SCTR: variants seen among roughly 807,000 people sequenced by gnomAD.
SCTR encodes the protein pancreatic secretin receptor.
In SCTR, 56 loss-of-function variants were observed where a neutral mutation model predicts 60.8. The ratio of observed to expected loss-of-function variants is 0.92; its 90% CI spans 0.74 to 1.15. The LOEUF (loss-of-function observed/expected upper bound fraction) is 1.15, where lower values mean the gene tolerates loss of function less well. Ranked by LOEUF, SCTR falls within the 50% of genes most tolerant of loss-of-function variation. The pLI, the probability that SCTR is intolerant of heterozygous loss-of-function variation, is 0.00. For missense variants in SCTR, 562 were observed against 550.4 expected (o/e 1.02, Z -0.21); for synonymous variants, 202 against 217.0 (o/e 0.93, Z 0.61).
At chr2:119,443,258 C>T (rs1218525537) in intron 11 of SCTR, among the ~76,000 whole-genome samples, 1 of 152,150 alleles carries the variant, frequency 6.6e-6, no homozygotes, top group South Asian at 2.1e-4. Flanking sequence ...AGGATGAAGA[C>T]TTTGAAGAAT....
intron 1 of SCTR, among the ~76,000 whole-genome samples, chr2:119,506,622 G>A (rs866204114): frequency 2.0e-5 from 3 of 151,926 alleles, no homozygotes; most frequent in Non-Finnish European, 1.5e-5. Flanking sequence ...GTAGGGCTAC[G>A]CATGCACTGC....
intron 7 of SCTR, among the ~76,000 whole-genome samples, chr2:119,458,207 G>A (rs1366571631): frequency 3.3e-5 from 5 of 152,084 alleles, no homozygotes; most frequent in African/African-American, 4.8e-5. Context: ...TCAGGCGGCT[G>A]AGGCAGAAGG....
intron 3 of SCTR, among the ~76,000 whole-genome samples, chr2:119,476,077 G>A (rs967400710): frequency 1.3e-5 from 2 of 152,156 alleles, no homozygotes; most frequent in African/African-American, 4.8e-5. Context: ...CCATGTAGTA[G>A]GTGCCCTCAA....
intron 1 of SCTR, among the ~76,000 whole-genome samples, chr2:119,511,775 T>TA (rs1678954898): frequency 6.6e-6 from 1 of 152,210 alleles, no homozygotes; most frequent in Admixed American, 6.5e-5. Context: ...AATTCTCTAG[T>TA]AACCTCCTAA....
chr2:119,515,485 A>T (rs537200984), intron 1 of SCTR, among the ~76,000 whole-genome samples: 1 of 152,336 alleles, frequency 6.6e-6, no homozygotes, highest in South Asian at 2.1e-4. Flanking sequence ...AGTGAGGAAG[A>T]TCTGCTTCAA....
At chr2:119,491,614 C>T (rs1186180018) in intron 2 of SCTR, among the ~76,000 whole-genome samples, 4 of 152,056 alleles carry the variant, frequency 2.6e-5, no homozygotes, top group Non-Finnish European at 4.4e-5. Flanking sequence ...TGGGTTCAAG[C>T]GATCCTCCTG....
intron 1 of SCTR, among the ~76,000 whole-genome samples, chr2:119,508,442 A>G (rs1237987708): frequency 8.8e-6 from 1 of 114,256 alleles, no homozygotes; most frequent in Non-Finnish European, 1.6e-5. Context: ...GCTGAAGTGT[A>G]GTGATACAAT....
intron 1 of SCTR, among the ~76,000 whole-genome samples, chr2:119,500,699 G>T (rs562449477): frequency 6.6e-6 from 1 of 152,338 alleles, no homozygotes; most frequent in South Asian, 2.1e-4. Flanking sequence ...ATAGAGACTA[G>T]ATGGGTGGTT....
intron 3 of SCTR, chr2:119,476,450 G>C (rs1677313650): frequency 6.6e-6 from 1 of 152,230 alleles, no homozygotes; most frequent in South Asian, 2.1e-4. Flanking sequence ...CAGCAGAGTC[G>C]GCACAGGACC....
chr2:119,474,462 AT>A (rs1677175958), intron 3 of SCTR, among the ~76,000 whole-genome samples: 1 of 152,150 alleles, frequency 6.6e-6, no homozygotes. Flanking sequence ...GCCTCGCTGA[AT>A]TCTGTACTCT....
intron 1 of SCTR, among the ~76,000 whole-genome samples, chr2:119,508,472 G>A (rs766099752): frequency 2.4e-5 from 3 of 124,666 alleles, no homozygotes; most frequent in African/African-American, 9.3e-5. Flanking sequence ...CTGCAGCCTC[G>A]ACCTCCCAGG....
chr2:119,444,117 G>C (rs13028975), intron 11 of SCTR, among the ~76,000 whole-genome samples: 1 of 39,988 alleles, frequency 2.5e-5, no homozygotes, highest in Non-Finnish European at 4.9e-5. Context: ...ATTTTCTCAT[G>C]TGTGTGTATA....
At chr2:119,469,651 A>G (rs1032687084) in intron 4 of SCTR, among the ~76,000 whole-genome samples, 6 of 152,098 alleles carry the variant, frequency 3.9e-5, no homozygotes, top group Admixed American at 2.6e-4. Context: ...CATCACACTC[A>G]GCTACTTAAA....
rs1678449267 is a variant in SCTR at position 119,499,198 on chromosome 2, C to T, written c.73-4650G>A. Among the ~76,000 whole-genome samples, 4 of 151,864 alleles carry T rather than the reference C, an allele frequency of 2.6e-5. No homozygotes were observed. In the South Asian group the frequency reaches 6.2e-4, roughly 24 times the overall value. The stretch of plus-strand genomic sequence containing the variant: ...CATAGCAATGGTAAATGTGTATGCA[C>T]CAAACAATCATGCTGTAAAATATGT... On this transcript the variant is annotated intron_variant, in intron 1 of 12. Coordinates refer to ENST00000019103, the MANE Select transcript of SCTR (RefSeq NM_002980.3).
chr2:119,475,700 A>T (rs1677251183), intron 3 of SCTR, among the ~76,000 whole-genome samples: 1 of 147,044 alleles, frequency 6.8e-6, no homozygotes, highest in African/African-American at 2.5e-5. Context: ...ATATAAAATA[A>T]ATATATATAT....
chr2:119,462,036 G>A, intron 6 of SCTR, 36 bp from the exon 7 acceptor site: 1 of 1,574,544 alleles, frequency 6.4e-7, no homozygotes. Context: ...CAGGCCGGGT[G>A]GCAGTGGGGT....
intron 1 of SCTR, among the ~76,000 whole-genome samples, chr2:119,498,042 C>A (rs1352653358): frequency 1.3e-5 from 2 of 152,066 alleles, no homozygotes; most frequent in Non-Finnish European, 2.9e-5. Flanking sequence ...CACAAACCAG[C>A]CCTAAAGAAG....
intron 2 of SCTR, chr2:119,484,801 A>C (rs888753821): frequency 2.0e-5 from 3 of 152,268 alleles, no homozygotes; most frequent in Admixed American, 6.5e-5. Flanking sequence ...ATGCTGGGAT[A>C]ATCAAAGCAC....
chr2:119,522,903 A>G (rs982018404), intron 1 of SCTR, among the ~76,000 whole-genome samples: 1 of 152,340 alleles, frequency 6.6e-6, no homozygotes, highest in East Asian at 1.9e-4. Context: ...CAGCACTGCC[A>G]CTGAAGAGAG....
Sources: gnomAD v4.1 joint callset for allele counts (sites outside exome capture counted in the v4.1 genomes callset) on GRCh38, gnomAD v4.1.1 for gene constraint, MANE v1.5 for transcripts, NCBI Gene and HGNC (gene_info 2026-07-23, HGNC 2026-07-21) for gene names.